The following U2SURP variants were observed in gnomAD, a reference collection of about 807,000 sequenced individuals.
The protein encoded by U2SURP is U2 snRNP-associated SURP motif-containing protein.
U2SURP carries 9 observed loss-of-function variants against 144.9 expected under a neutral mutation model. The observed-to-expected ratio is 0.06, with a 90% CI of 0.04 to 0.11. The LOEUF is 0.11. Ranked by LOEUF, U2SURP falls within the 10% of genes least tolerant of loss-of-function variation. The pLI, the probability that U2SURP is intolerant of heterozygous loss-of-function variation, is 1.00. For synonymous variants in U2SURP, 408 were observed against 396.8 expected (o/e 1.03, Z -0.33); for missense variants, 724 against 1,226.7 (o/e 0.59, Z 6.12).
At chr3:143,033,422 GT>G in intron 18 of U2SURP, 72 bp downstream of exon 18, 1 of 818,252 alleles carries the variant, frequency 1.2e-6, no homozygotes, top group Non-Finnish European at 1.9e-6. Flanking sequence ...AAAGAGGATT[GT>G]TTTGTTAACA....
intron 24 of U2SURP, among the ~76,000 whole-genome samples, chr3:143,050,031 T>C (rs1934770262): frequency 6.6e-6 from 1 of 152,138 alleles, no homozygotes. Flanking sequence ...AATACCTTTG[T>C]GCACTTATAT....
intron 24 of U2SURP, among the ~76,000 whole-genome samples, chr3:143,046,921 G>A (rs1220324387): frequency 1.8e-5 from 2 of 108,382 alleles, no homozygotes; most frequent in African/African-American, 8.4e-5. Context: ...CTCACCTCCC[G>A]GACGGGGCGG....
chr3:143,045,951 C>A (rs146484346), intron 24 of U2SURP, among the ~76,000 whole-genome samples: 2 of 152,346 alleles, frequency 1.3e-5, no homozygotes, highest in African/African-American at 4.8e-5. Flanking sequence ...GGGCTTTTCA[C>A]AACTAGCTCT....
chr3:143,017,558 T>C (rs553983474), intron 6 of U2SURP, among the ~76,000 whole-genome samples: 11 of 151,888 alleles, frequency 7.2e-5, no homozygotes, highest in Admixed American at 2.0e-4. Flanking sequence ...GCTTAAAAAA[T>C]ATCTCTAAAA....
intron 24 of U2SURP, among the ~76,000 whole-genome samples, chr3:143,046,297 A>ATTTTTTTTTTTTTTTTTTTTT (rs11400849): frequency 9.4e-6 from 1 of 106,400 alleles, no homozygotes; most frequent in Non-Finnish European, 1.9e-5. Flanking sequence ...TTTATTTTTT[A>ATTTTTTTTTTTTTTTTTTTTT]TTTTTTTTTA....
At chr3:143,008,264 G>A (rs1935945236) in intron 1 of U2SURP, among the ~76,000 whole-genome samples, 1 of 152,028 alleles carries the variant, frequency 6.6e-6, no homozygotes, top group Non-Finnish European at 1.5e-5. Flanking sequence ...TGATGACTTG[G>A]AGTCAGGGAA....
At chr3:143,031,519 T>C (rs2108293792) in intron 16 of U2SURP, among the ~76,000 whole-genome samples, 1 of 121,700 alleles carries the variant, frequency 8.2e-6, no homozygotes, top group Non-Finnish European at 1.8e-5. Flanking sequence ...CCAGCAAAAA[T>C]GCTATGACTC....
chr3:143,032,881 G>A lies in U2SURP; in HGVS notation c.1708G>A (p.Ala570Thr). 1 of 1,613,706 alleles carries A rather than the reference G, an allele frequency of 6.2e-7. No homozygotes were observed. Among genetic ancestry groups the A allele is most frequent in the Non-Finnish European group, 8.5e-7 (1 of 1,179,742 alleles). Residue 570 changes from alanine (A) to threonine (T), a missense_variant, in exon 17 of 28, where the codon GCT (alanine) becomes ACT (threonine). Transcript: ENST00000473835. ...MVFCLNNAEA[A>T]EEIVDCITES... ...TTTCTGTCTTAATAATGCTGAAGCTGCTGAAGAAATAGTGGATTGCATTAC... is the reference window on the plus strand; with the variant it reads ...TTTCTGTCTTAATAATGCTGAAGCTACTGAAGAAATAGTGGATTGCATTAC...
At chr3:143,015,271 AC>A (rs1936309475) in intron 4 of U2SURP, among the ~76,000 whole-genome samples, 1 of 152,066 alleles carries the variant, frequency 6.6e-6, no homozygotes, top group Non-Finnish European at 1.5e-5. Flanking sequence ...TCATATCTGA[AC>A]CATTTTTTTC....
At chr3:143,037,116 T>C in intron 20 of U2SURP, 63 bp from the exon 21 acceptor site, 1 of 1,503,034 alleles carries the variant, frequency 6.7e-7, no homozygotes, top group Non-Finnish European at 9.0e-7. Context: ...TACAAATTAA[T>C]CTTACAAGCA....
intron 2 of U2SURP, among the ~76,000 whole-genome samples, chr3:143,011,627 C>T (rs1936123542): frequency 1.3e-5 from 2 of 152,106 alleles, no homozygotes; most frequent in African/African-American, 4.8e-5. Context: ...ATATTCTTCC[C>T]CACCAGGCAC....
At chr3:143,030,175 C>A (rs181029774) in intron 16 of U2SURP, among the ~76,000 whole-genome samples, 97 of 152,268 alleles carry the variant, frequency 6.4e-4, no homozygotes, top group Non-Finnish European at 9.9e-4. Context: ...ACAAAGCAGC[C>A]TTTTATTGTA....
At position 143,050,966 on chromosome 3, in the gene U2SURP, T is replaced by C. The variant is rs1031191197; in HGVS notation, c.2572T>C (p.Leu858=). The C allele has an allele frequency of 3.1e-6, 5 of 1,612,596 alleles. No homozygotes were observed. The highest frequency in any genetic ancestry group is 2.2e-5 in the East Asian group (1 of 44,826). Residue 858 remains leucine, a synonymous_variant, in exon 25 of 28, where the codon TTG becomes CTG. Transcript: ENST00000473835. The part of the protein sequence containing the change: ...ELKVMKFQDE[L]ESGKRPKKPG... ...CAAAGTTATGAAGTTTCAGGATGAATTGGAATCTGGGAAAAGACCTAAAAA... is the reference window on the plus strand; with the variant it reads ...CAAAGTTATGAAGTTTCAGGATGAACTGGAATCTGGGAAAAGACCTAAAAA...
intron 27 of U2SURP, among the ~76,000 whole-genome samples, chr3:143,055,816 T>C (rs1311707819): frequency 6.6e-6 from 1 of 152,216 alleles, no homozygotes; most frequent in Non-Finnish European, 1.5e-5. Flanking sequence ...TAATCCTTCA[T>C]GAACAGCACT....
chr3:143,012,568 T>G (rs535270359), intron 3 of U2SURP, among the ~76,000 whole-genome samples: 1 of 152,206 alleles, frequency 6.6e-6, no homozygotes, highest in Non-Finnish European at 1.5e-5. Flanking sequence ...TTTAGAGTTT[T>G]AAATTTTATT....
intron 1 of U2SURP, among the ~76,000 whole-genome samples, chr3:143,009,442 A>G (rs1936007793): frequency 6.6e-6 from 1 of 152,100 alleles, no homozygotes; most frequent in African/African-American, 2.4e-5. Flanking sequence ...TACTAAAAAT[A>G]CAAAAATTAG....
At chr3:143,043,575 T>C (rs1390254881) in intron 24 of U2SURP, among the ~76,000 whole-genome samples, 1 of 152,192 alleles carries the variant, frequency 6.6e-6, no homozygotes, top group Admixed American at 6.5e-5. Context: ...CTTGCTTGCT[T>C]ATTTAATGTC....
rs1336239432 is a variant in U2SURP at position 143,055,150 on chromosome 3, A to G, written c.2951+31A>G. 8 of 1,514,148 alleles carry G rather than the reference A, an allele frequency of 5.3e-6. No homozygotes were observed. The African/African-American group carries it at 1.1e-4, about 22-fold the overall frequency. 93.8% of individuals were successfully genotyped at this position (1,514,148 alleles called of 1,614,324 possible). The stretch of plus-strand genomic sequence containing the variant: ...TGCAAGTCATTTTTGCTAATATTTC[A>G]GATACCAGTTTCCTTGTCATTTCAT... On this transcript the variant is annotated intron_variant, in intron 27 of 27. Transcript: ENST00000473835.
In U2SURP at chr3:143,057,407, C is replaced by CCT. The variant is rs397704676; in HGVS notation, c.*957_*958insCT. 2.0e-5 allele frequency: 3 copies of CCT among 151,642 alleles called. No homozygotes were observed. Among genetic ancestry groups the CCT allele is most frequent in the African/African-American group, 4.9e-5 (2 of 41,164 alleles). The allele number at this position is 151,642 out of a possible 1,614,324, so 9.4% of individuals were successfully genotyped here. Reference sequence around the variant, plus strand: ...TTAAACAGCTTAGTTGGTCCCCCCCCACTCCCAAGAGACTTGGGTTTAGTT... The same window carrying CCT: ...TTAAACAGCTTAGTTGGTCCCCCCCCCTACTCCCAAGAGACTTGGGTTTAGTT... On this transcript the variant is annotated 3_prime_UTR_variant, in exon 28 of 28. Transcript: ENST00000473835.
Sources: gnomAD v4.1 joint callset for allele counts (sites outside exome capture counted in the v4.1 genomes callset) on GRCh38, gnomAD v4.1.1 for gene constraint, MANE v1.5 for transcripts, NCBI Gene and HGNC (gene_info 2026-07-23, HGNC 2026-07-21) for gene names.